DDO: variants seen among roughly 807,000 people sequenced by gnomAD.
DDO encodes the protein D-aspartate oxidase.
A neutral mutation model predicts 16.8 loss-of-function variants in DDO; 16 were observed. The ratio of observed to expected loss-of-function variants is 0.95; its 90% CI spans 0.65 to 1.45. The LOEUF is 1.45. DDO is among the 40% of genes most tolerant of loss of function. The pLI, the probability that DDO is intolerant of heterozygous loss-of-function variation, is 0.00. For missense variants in DDO, 429 were observed against 420.3 expected (o/e 1.02, Z -0.18); for synonymous variants, 180 against 167.2 (o/e 1.08, Z -0.59).
At chr6:110,388,992 G>A (rs1297513254), downstream of DDO, among the ~76,000 whole-genome samples, 1 of 152,212 alleles carries the variant, frequency 6.6e-6, no homozygotes, top group Non-Finnish European at 1.5e-5. Flanking sequence ...ACTGAGCTAA[G>A]GGTGCCTAGC....
intron 2 of DDO, among the ~76,000 whole-genome samples, chr6:110,409,152 A>G (rs963299556): frequency 6.6e-6 from 1 of 152,208 alleles, no homozygotes; most frequent in Non-Finnish European, 1.5e-5. Context: ...GCCAGAGCAC[A>G]TGGGGTTGGA....
intron 1 of DDO, among the ~76,000 whole-genome samples, chr6:110,414,322 T>G (rs1055530348): frequency 3.9e-5 from 6 of 152,264 alleles, no homozygotes; most frequent in African/African-American, 1.4e-4. Flanking sequence ...CTGTCTGTCC[T>G]GGACAGGTTC....
At chr6:110,406,308 C>A (rs1210160402) in intron 3 of DDO, among the ~76,000 whole-genome samples, 2 of 152,160 alleles carry the variant, frequency 1.3e-5, no homozygotes, top group Non-Finnish European at 2.9e-5. Flanking sequence ...CACACACACA[C>A]ATCCACTCTT....
At chr6:110,404,251 G>A (rs1376694387) in intron 4 of DDO, among the ~76,000 whole-genome samples, 3 of 152,210 alleles carry the variant, frequency 2.0e-5, no homozygotes, top group Non-Finnish European at 4.4e-5. Flanking sequence ...TGAACTTAAT[G>A]AGGAAGGAGT....
At chr6:110,395,986 G>A (rs1278552259) in intron 4 of DDO, among the ~76,000 whole-genome samples, 6 of 152,246 alleles carry the variant, frequency 3.9e-5, no homozygotes, top group Admixed American at 2.6e-4. Flanking sequence ...CCGAGATCCC[G>A]CCACTGCACT....
At chr6:110,402,525 C>A (rs571253165) in intron 4 of DDO, among the ~76,000 whole-genome samples, 6 of 151,974 alleles carry the variant, frequency 3.9e-5, no homozygotes, top group African/African-American at 1.2e-4. Context: ...ATTAGCTGGG[C>A]GTGGTGGCAG....
At chr6:110,415,439 C>T (rs904044160) in intron 1 of DDO, 28 bp downstream of exon 1, 3 of 1,613,428 alleles carry the variant, frequency 1.9e-6, no homozygotes, top group Non-Finnish European at 1.7e-6. Flanking sequence ...CGGAACGACC[C>T]CTCAGCTGAA....
At position 110,393,307 on chromosome 6, in the gene DDO, C is replaced by T. The variant is rs779200242; in HGVS notation, c.494G>A (p.Arg165Gln). The T allele has an allele frequency of 7.1e-5, 114 of 1,608,530 alleles. No homozygotes were observed. The highest frequency in any genetic ancestry group is 1.6e-4 in the Middle Eastern group (1 of 6,074). Reference protein sequence around the residue: ...KGSGGWTLTRRIEDLWELHPS... With the variant: ...KGSGGWTLTRQIEDLWELHPS... Reference sequence around the variant, plus strand: ...ATGAAGTTCCCACAGGTCTTCTATTCGCCGAGTGAGTGTCCAGCCTCCACT... The same window carrying T: ...ATGAAGTTCCCACAGGTCTTCTATTTGCCGAGTGAGTGTCCAGCCTCCACT... Residue 165 changes from arginine (R) to glutamine (Q), a missense_variant, in exon 5 of 5, where the codon CGA becomes CAA. Coordinates refer to ENST00000368924, the MANE Select transcript of DDO (RefSeq NM_001372108.2).
At chr6:110,402,032 G>C (rs1441722527) in intron 4 of DDO, among the ~76,000 whole-genome samples, 1 of 152,104 alleles carries the variant, frequency 6.6e-6, no homozygotes, top group South Asian at 2.1e-4. Context: ...ATCCGATCCC[G>C]AGGAAACATC....
At chr6:110,399,005 G>A (rs1773385936) in intron 4 of DDO, among the ~76,000 whole-genome samples, 1 of 152,198 alleles carries the variant, frequency 6.6e-6, no homozygotes, top group Non-Finnish European at 1.5e-5. Context: ...GATTGATTTA[G>A]ATGGGCTGCC....
chr6:110,391,664 TCTTTA>T (rs902235731), downstream of DDO: 28 of 152,314 alleles, frequency 1.8e-4, no homozygotes, highest in African/African-American at 6.0e-4. Context: ...TCCTCAAGCC[TCTTTA>T]CTTCAATACC....
intron 4 of DDO, among the ~76,000 whole-genome samples, chr6:110,401,046 AC>A (rs1361690131): frequency 1.4e-4 from 22 of 152,170 alleles, no homozygotes; most frequent in Admixed American, 1.4e-3. Context: ...CACTGTGTGC[AC>A]CCCGGAGCCC....
At chr6:110,399,509 A>ATT (rs1773401870) in intron 4 of DDO, among the ~76,000 whole-genome samples, 1 of 152,170 alleles carries the variant, frequency 6.6e-6, no homozygotes, top group African/African-American at 2.4e-5. Context: ...AGGGAGCCCC[A>ATT]GGTGTCGCCC....
At chr6:110,393,557 C>A (rs1235381757) in intron 4 of DDO, among the ~76,000 whole-genome samples, 3 of 152,156 alleles carry the variant, frequency 2.0e-5, no homozygotes, top group African/African-American at 7.2e-5. Flanking sequence ...AAATGGAAAC[C>A]ACTTGAAAAT....
chr6:110,392,167 T>C lies in DDO; in HGVS notation c.*608A>G. The C allele has an allele frequency of 3.0e-6, 3 of 985,050 alleles. No homozygotes were observed. Among genetic ancestry groups the C allele is most frequent in the Non-Finnish European group, 3.6e-6 (3 of 829,558 alleles). 61.0% of individuals were successfully genotyped at this position (985,050 alleles called of 1,614,324 possible). A position where few individuals can be genotyped will look rare whatever the true frequency, so the allele number is the denominator to read the frequency against. ...ATGCTTTGTCTTCAATTAAATGTAA[T>C]AATCCAGCACTGTGTGAGCACAATG... On this transcript the variant is annotated 3_prime_UTR_variant, in exon 5 of 5. Coordinates refer to ENST00000368924, the MANE Select transcript of DDO (RefSeq NM_001372108.2).
chr6:110,389,234 A>G (rs1773062160), downstream of DDO, among the ~76,000 whole-genome samples: 1 of 152,224 alleles, frequency 6.6e-6, no homozygotes, highest in South Asian at 2.1e-4. Flanking sequence ...TGTGGCCTTC[A>G]GACTTACTCC....
At chr6:110,407,485 T>A (rs1219669218) in intron 3 of DDO, among the ~76,000 whole-genome samples, 1 of 152,098 alleles carries the variant, frequency 6.6e-6, no homozygotes, top group Non-Finnish European at 1.5e-5. Flanking sequence ...TACACTAGAC[T>A]AGCAAAAAAC....
intron 2 of DDO, among the ~76,000 whole-genome samples, chr6:110,412,491 G>A (rs185062957): frequency 3.9e-5 from 6 of 152,214 alleles, no homozygotes; most frequent in Admixed American, 2.0e-4. Flanking sequence ...TCCATCTTCC[G>A]GGAACTATAG....
downstream of DDO, among the ~76,000 whole-genome samples, chr6:110,388,469 G>A (rs1773050903): frequency 6.6e-6 from 1 of 152,060 alleles, no homozygotes; most frequent in Admixed American, 6.6e-5. Flanking sequence ...GAGAAAAACC[G>A]GTTCAAATAT....
Sources: allele counts gnomAD v4.1 joint callset (sites outside exome capture counted in the v4.1 genomes callset), GRCh38; gene constraint gnomAD v4.1.1; transcripts MANE v1.5; gene names NCBI Gene and HGNC (gene_info 2026-07-23, HGNC 2026-07-21).